Variants in OSBPL3 observed in about 807,000 individuals in gnomAD.
The protein encoded by OSBPL3 is oxysterol binding protein like 3.
Under a neutral mutation model 120.1 loss-of-function variants are expected in OSBPL3, and 65 were observed. The ratio of observed to expected loss-of-function variants is 0.54; its 90% CI spans 0.44 to 0.67. The LOEUF (loss-of-function observed/expected upper bound fraction) is 0.67. OSBPL3 is among the 30% of genes least tolerant of loss of function. The pLI is 0.00. For missense variants in OSBPL3, 1,004 were observed against 1,082.1 expected (o/e 0.93, Z 1.01); for synonymous variants, 416 against 402.6 (o/e 1.03, Z -0.40).
rs534718332 is a variant in OSBPL3 at position 24,883,150 on chromosome 7, G to T, written c.96+9227C>A. Among the ~76,000 whole-genome samples, 1 of 152,196 alleles carries T rather than the reference G, an allele frequency of 6.6e-6. No individual in the cohort carries two copies. Among genetic ancestry groups the T allele is most frequent in the Non-Finnish European group, 1.5e-5 (1 of 68,038 alleles). ...CCCAGGGACCACGGGGCCAAGATGTGCCAGGAATGTGATTCATCTGAAGTA... is the reference window on the plus strand; with the variant it reads ...CCCAGGGACCACGGGGCCAAGATGTTCCAGGAATGTGATTCATCTGAAGTA... On this transcript the variant is annotated intron_variant, in intron 2 of 22. Coordinates refer to ENST00000313367, the MANE Select transcript of OSBPL3 (RefSeq NM_015550.4). The surrounding 1 kb of genome is among the most constrained non-coding windows in gnomAD (Gnocchi z 5.4).
Position 24,894,248 on chromosome 7 carries a change from G to A in OSBPL3, c.-149-1627C>T, listed in dbSNP as rs1019341155. On this transcript the variant is annotated intron_variant, in intron 1 of 22. Transcript: ENST00000313367. This position sits in a 1 kb window ranked among gnomAD's most constrained non-coding sequence, Gnocchi z 4.1. ...AGAAAATGAAATTAAGGTGCCCAGA[G>A]CCATAGAGCTCAATTCCCATGTTAC... Among the ~76,000 whole-genome samples the A allele has an allele frequency of 1.3e-5, 2 of 152,116 alleles. No homozygotes were observed.
chr7:24,831,012 A>G lies in OSBPL3; in HGVS notation c.1747-107T>C. ...CTCTATGATTTTCTTTCAGAAAGCC[A>G]AAGATTTGTCTTTGGTTGTTTTTAA... On this transcript the variant is annotated intron_variant, in intron 15 of 22. Transcript: ENST00000313367. The surrounding 1 kb of genome is among the most constrained non-coding windows in gnomAD (Gnocchi z 4.0). 8.7e-7 allele frequency: 1 copy of G among 1,149,002 alleles called. No individual in the cohort carries two copies. The highest frequency in any genetic ancestry group is 1.2e-6 in the Non-Finnish European group (1 of 847,340). 71.2% of individuals were successfully genotyped at this position (1,149,002 alleles called of 1,614,324 possible). A position where few individuals can be genotyped will look rare whatever the true frequency, so the allele number is the denominator to read the frequency against.
At chr7:24,884,914 T>C (rs1389998884) in intron 2 of OSBPL3, among the ~76,000 whole-genome samples, 1 of 152,186 alleles carries the variant, frequency 6.6e-6, no homozygotes, top group African/African-American at 2.4e-5. Context: ...GTGGTGTTTA[T>C]TCAGCCTATA....
intron 12 of OSBPL3, among the ~76,000 whole-genome samples, chr7:24,845,656 TAA>T (rs199729370): frequency 1.7e-4 from 23 of 137,174 alleles, no homozygotes; most frequent in Non-Finnish European, 1.6e-4. Flanking sequence ...CACTTTTTCC[TAA>T]AAAAAAAAAA....
At chr7:24,974,445 T>C (rs1184665064) in intron 1 of OSBPL3, among the ~76,000 whole-genome samples, 2 of 152,232 alleles carry the variant, frequency 1.3e-5, no homozygotes, top group African/African-American at 2.4e-5. Flanking sequence ...ACACTTTTAG[T>C]AAAATGCTGC....
At chr7:24,882,314 A>C (rs1173815038) in intron 2 of OSBPL3, among the ~76,000 whole-genome samples, 1 of 144,564 alleles carries the variant, frequency 6.9e-6, no homozygotes, top group Non-Finnish European at 1.5e-5. Flanking sequence ...TGTCCACCTG[A>C]ATACATTTTT....
In OSBPL3 at chr7:24,863,442, A is replaced by T. The variant is rs1800858962; in HGVS notation, c.777+54T>A. 6.8e-7 allele frequency: 1 copy of T among 1,477,028 alleles called. No individual in the cohort carries two copies. The highest frequency in any genetic ancestry group is 1.7e-5 in the Admixed American group (1 of 59,790). The allele number at this position is 1,477,028 out of a possible 1,614,324, so 91.5% of individuals were successfully genotyped here. On this transcript the variant is annotated intron_variant, in intron 8 of 22. Transcript: ENST00000313367. This position sits in a 1 kb window ranked among gnomAD's most constrained non-coding sequence, Gnocchi z 5.8. ...CCACTGTTAGTGAAAGGCTGGGAGG[A>T]GAAAGGAAAGCAGAAGAGGGCCAGA...
intron 12 of OSBPL3, among the ~76,000 whole-genome samples, chr7:24,845,274 A>G (rs1030119709): frequency 6.6e-6 from 1 of 151,568 alleles, no homozygotes; most frequent in Non-Finnish European, 1.5e-5. Flanking sequence ...TTTTTAAAAA[A>G]CAAGCTTGTA....
In OSBPL3 at chr7:24,940,172, G is replaced by T. The variant is rs907592008; in HGVS notation, c.-150+39714C>A. 1.3e-5 allele frequency among the ~76,000 whole-genome samples: 2 copies of T among 152,150 alleles called. No individual in the cohort carries two copies. Among genetic ancestry groups the T allele is most frequent in the Non-Finnish European group, 2.9e-5 (2 of 68,024 alleles). ...GAAATAGCTGCTACAAAAAAAATGGGAAAGGGTTTGAACTTTGGATCTGAA... is the reference window on the plus strand; with the variant it reads ...GAAATAGCTGCTACAAAAAAAATGGTAAAGGGTTTGAACTTTGGATCTGAA... On this transcript the variant is annotated intron_variant, in intron 1 of 22. Transcript: ENST00000313367. This position sits in a 1 kb window ranked among gnomAD's most constrained non-coding sequence, Gnocchi z 4.4.
chr7:24,800,964 C>T lies in OSBPL3; in HGVS notation c.2568-685G>A, dbSNP rs114476687. On this transcript the variant is annotated intron_variant, in intron 22 of 22. Coordinates refer to ENST00000313367, the MANE Select transcript of OSBPL3 (RefSeq NM_015550.4). ...TTTTTTTTTTTTTTTTAAAGGAGGC[C>T]GGGTGTGGTGGCTCACGCCTGTAAT... 9.7e-3 allele frequency among the ~76,000 whole-genome samples: 1,419 copies of T among 145,900 alleles called. 28 individuals are homozygous for T. Among genetic ancestry groups the T allele is most frequent in the African/African-American group, 0.034 (1,345 of 39,868 alleles).
upstream of OSBPL3, among the ~76,000 whole-genome samples, chr7:24,980,918 CCTT>C (rs1239725862): frequency 1.3e-5 from 2 of 152,068 alleles, no homozygotes; most frequent in Non-Finnish European, 1.5e-5. Context: ...AGCCCAATGG[CCTT>C]CTTTGATCCT....
At chr7:24,928,470 C>T (rs774717178) in intron 1 of OSBPL3, among the ~76,000 whole-genome samples, 3 of 152,166 alleles carry the variant, frequency 2.0e-5, no homozygotes, top group East Asian at 1.9e-4. Flanking sequence ...GGATTACAGG[C>T]ATCAGCCACC....
rs573697769 is a variant in OSBPL3, at chr7:24,855,953, C to T, written c.1028-3319G>A. Among the ~76,000 whole-genome samples, 1 of 152,334 alleles carries T rather than the reference C, an allele frequency of 6.6e-6. No individual in the cohort carries two copies. The highest frequency in any genetic ancestry group is 2.1e-4 in the South Asian group (1 of 4,828). ...ATCTCCAGCTTCCCCGCCAAATGGT[C>T]TGCTGGCCCACGCTTGTCAGAGCAC... is the stretch of plus-strand genomic sequence containing the variant. On this transcript the variant is annotated intron_variant, in intron 10 of 22. Coordinates refer to ENST00000313367, the MANE Select transcript of OSBPL3 (RefSeq NM_015550.4). This position sits in a 1 kb window ranked among gnomAD's most constrained non-coding sequence, Gnocchi z 4.3.
intron 22 of OSBPL3, among the ~76,000 whole-genome samples, chr7:24,800,732 C>T (rs1299693695): frequency 6.6e-6 from 1 of 152,054 alleles, no homozygotes; most frequent in Non-Finnish European, 1.5e-5. Context: ...GCTGGGATTA[C>T]AGGCATGAGC....
rs766722184 is a variant in OSBPL3, at chr7:24,854,787, C to A, written c.1028-2153G>T. Reference sequence around the variant, plus strand: ...AATGATGTGCCTGAACCCTGGTTTCCACATTTGTAAATGGGGATAATAATA... The same window carrying A: ...AATGATGTGCCTGAACCCTGGTTTCAACATTTGTAAATGGGGATAATAATA... On this transcript the variant is annotated intron_variant, in intron 10 of 22. Transcript: ENST00000313367. The surrounding 1 kb of genome is among the most constrained non-coding windows in gnomAD (Gnocchi z 4.1). Among the ~76,000 whole-genome samples, 1 of 152,142 alleles carries A rather than the reference C, an allele frequency of 6.6e-6. No individual in the cohort carries two copies. Among genetic ancestry groups the A allele is most frequent in the Non-Finnish European group, 1.5e-5 (1 of 68,036 alleles).
chr7:24,944,914 G>A (rs377134048), intron 1 of OSBPL3, among the ~76,000 whole-genome samples: 1 of 151,980 alleles, frequency 6.6e-6, no homozygotes, highest in East Asian at 1.9e-4. Flanking sequence ...AATAATTCTG[G>A]CCCAATGGAG....
chr7:24,942,381 G>C (rs1254762542), intron 1 of OSBPL3, among the ~76,000 whole-genome samples: 3 of 152,172 alleles, frequency 2.0e-5, no homozygotes, highest in African/African-American at 7.2e-5. Flanking sequence ...AGGAGTGCCT[G>C]AAGCCATGTC....
chr7:24,863,695 A>G lies in OSBPL3; in HGVS notation c.674-96T>C. The G allele has an allele frequency of 1.2e-6, 1 of 801,666 alleles. No homozygotes were observed. The highest frequency in any genetic ancestry group is 2.1e-6 in the Non-Finnish European group (1 of 486,656). 49.7% of individuals were successfully genotyped at this position (801,666 alleles called of 1,614,324 possible). The stretch of plus-strand genomic sequence containing the variant: ...CAGCTACTTTTCCTTATTTATCTGT[A>G]GTTGATTTTTTTTTTCATCTGTAAG... On this transcript the variant is annotated intron_variant, in intron 7 of 22. Coordinates refer to ENST00000313367, the MANE Select transcript of OSBPL3 (RefSeq NM_015550.4). The surrounding 1 kb of genome is among the most constrained non-coding windows in gnomAD (Gnocchi z 5.8).
At position 24,899,208 on chromosome 7, in the gene OSBPL3, A is replaced by G. The variant is rs1433698717; in HGVS notation, c.-149-6587T>C. Among the ~76,000 whole-genome samples the G allele has an allele frequency of 1.3e-5, 2 of 152,222 alleles. No homozygotes were observed. Among genetic ancestry groups the G allele is most frequent in the African/African-American group, 4.8e-5 (2 of 41,470 alleles). ...TTGTGCTTCTCTAACAGTGATGCCC[A>G]GATTTAAAGACAAGCTCTAGGTGTG... is the stretch of plus-strand genomic sequence containing the variant. On this transcript the variant is annotated intron_variant, in intron 1 of 22. Coordinates refer to ENST00000313367, the MANE Select transcript of OSBPL3 (RefSeq NM_015550.4). This position sits in a 1 kb window ranked among gnomAD's most constrained non-coding sequence, Gnocchi z 4.0.
Sources: gnomAD v4.1 joint callset for allele counts (sites outside exome capture counted in the v4.1 genomes callset) on GRCh38, gnomAD v4.1.1 for gene constraint, Gnocchi (gnomAD v3.1) non-coding constraint, MANE v1.5 for transcripts, NCBI Gene and HGNC (gene_info 2026-07-23, HGNC 2026-07-21) for gene names.